KANSL1: variants seen among roughly 807,000 people sequenced by gnomAD.
The protein encoded by KANSL1 is KAT8 regulatory NSL complex subunit 1, also known as MLL1/MLL complex subunit KANSL1.
In KANSL1, 22 loss-of-function variants were observed where a neutral mutation model predicts 103.6. That is an observed-to-expected ratio of 0.21 (90% CI 0.15 to 0.30). KANSL1 has a LOEUF of 0.30. Ranked by LOEUF, KANSL1 falls within the 10% of genes least tolerant of loss-of-function variation. The pLI, the probability that KANSL1 is intolerant of heterozygous loss-of-function variation, is 1.00. For synonymous variants in KANSL1, 600 were observed against 527.6 expected, an observed-to-expected ratio of 1.14 and a Z score of -1.88; for missense variants, 1,337 against 1,399.8, an observed-to-expected ratio of 0.96 and a Z score of 0.72.
chr17:46,122,291 G>T (rs1369976594), intron 2 of KANSL1, among the ~76,000 whole-genome samples: 9 of 152,298 alleles, frequency 5.9e-5, no homozygotes, highest in African/African-American at 2.2e-4. Context: ...CTGCCTTCGG[G>T]ATGTCCCCAT....
At chr17:46,104,815 T>C (rs77924366) in intron 2 of KANSL1, among the ~76,000 whole-genome samples, 21,651 of 151,940 alleles carry the variant, frequency 0.14, 2,122 homozygotes, top group Non-Finnish European at 0.22. Context: ...ACTTACTGTG[T>C]CTTTTTTCTT....
chr17:46,208,303 C>G (rs906859332), intron 1 of KANSL1, among the ~76,000 whole-genome samples: 1 of 151,922 alleles, frequency 6.6e-6, no homozygotes, highest in Non-Finnish European at 1.5e-5. Context: ...CTTTTGTTCC[C>G]CAAAAGAGAT....
At chr17:46,121,852 C>G (rs2043294988) in intron 2 of KANSL1, among the ~76,000 whole-genome samples, 1 of 152,186 alleles carries the variant, frequency 6.6e-6, no homozygotes, top group South Asian at 2.1e-4. Flanking sequence ...ATTTAACGCA[C>G]CTAACCTACT....
intron 4 of KANSL1, among the ~76,000 whole-genome samples, chr17:46,070,233 G>C (rs55929190): frequency 0.14 from 21,783 of 152,104 alleles, 2,125 homozygotes; most frequent in Non-Finnish European, 0.22. Context: ...ATAGTTATCA[G>C]TTGTGGTACA....
intron 1 of KANSL1, among the ~76,000 whole-genome samples, chr17:46,175,312 G>C (rs1435682636): frequency 5.7e-3 from 16 of 2,804 alleles, no homozygotes; most frequent in South Asian, 0.014. Flanking sequence ...TCTTATTGCT[G>C]TGTGTGTGTG....
intron 2 of KANSL1, among the ~76,000 whole-genome samples, chr17:46,148,881 T>C (rs1282565899): frequency 1.4e-5 from 2 of 147,354 alleles, no homozygotes; most frequent in Admixed American, 6.8e-5. Flanking sequence ...CCACCGTACC[T>C]GGCCTGTTGC....
chr17:46,075,110 G>A (rs1159114401), intron 4 of KANSL1, among the ~76,000 whole-genome samples: 1 of 152,156 alleles, frequency 6.6e-6, no homozygotes, highest in Non-Finnish European at 1.5e-5. Flanking sequence ...AGGACATTTA[G>A]AGATGCAAAA....
intron 2 of KANSL1, among the ~76,000 whole-genome samples, chr17:46,122,487 G>A (rs1030648200): frequency 3.3e-5 from 5 of 152,168 alleles, no homozygotes; most frequent in African/African-American, 7.2e-5. Flanking sequence ...AAAGTACCAC[G>A]AGATTAACTG....
intron 1 of KANSL1, among the ~76,000 whole-genome samples, chr17:46,186,916 G>A (rs2047062754): frequency 6.6e-6 from 1 of 151,142 alleles, no homozygotes; most frequent in Admixed American, 6.6e-5. Flanking sequence ...TTTTTTTTTA[G>A]TAGAGACAGG....
At chr17:46,164,965 G>A (rs186499298) in intron 2 of KANSL1, among the ~76,000 whole-genome samples, 9 of 152,270 alleles carry the variant, frequency 5.9e-5, no homozygotes, top group South Asian at 2.1e-4. Flanking sequence ...AATGATAGCC[G>A]GGTGTTTGGT....
chr17:46,147,130 G>A (rs2044752275), intron 2 of KANSL1, among the ~76,000 whole-genome samples: 1 of 152,212 alleles, frequency 6.6e-6, no homozygotes, highest in Admixed American at 6.5e-5. Flanking sequence ...AAATCAGAAT[G>A]ACCTTGAAAA....
intron 2 of KANSL1, among the ~76,000 whole-genome samples, chr17:46,161,480 G>A (rs866180140): frequency 6.6e-6 from 1 of 151,864 alleles, no homozygotes; most frequent in Non-Finnish European, 1.5e-5. Context: ...AATCAGTTCG[G>A]TCAAAATCCT....
intron 1 of KANSL1, among the ~76,000 whole-genome samples, chr17:46,180,792 G>A (rs1417129017): frequency 6.6e-6 from 1 of 152,168 alleles, no homozygotes; most frequent in Non-Finnish European, 1.5e-5. Context: ...TTGAGGCCAG[G>A]AGTTTGAGAC....
intron 2 of KANSL1, among the ~76,000 whole-genome samples, chr17:46,135,879 G>A (rs2044115383): frequency 6.6e-6 from 1 of 151,906 alleles, no homozygotes; most frequent in Non-Finnish European, 1.5e-5. Flanking sequence ...TTGCCAAAGA[G>A]CATGTAGAGC....
chr17:46,076,629 T>C (rs2078783594), intron 4 of KANSL1, among the ~76,000 whole-genome samples: 1 of 127,108 alleles, frequency 7.9e-6, no homozygotes, highest in Non-Finnish European at 1.9e-5. Flanking sequence ...GATTTTTCAC[T>C]GGGTTTGCAT....
rs746012943 is a variant in KANSL1 at position 46,031,461 on chromosome 17, A to G, written c.*15T>C. ...GCCAATAGTTAGTGAGTCTGTTTAG[A>G]TGGCTGTCTCCCGCTCATCTGTGAG... On this transcript the variant is annotated 3_prime_UTR_variant, in exon 15 of 15. Transcript: ENST00000432791. The G allele has an allele frequency of 6.3e-7, 1 of 1,583,034 alleles. No homozygotes were observed. Among genetic ancestry groups the G allele is most frequent in the East Asian group, 2.3e-5 (1 of 44,128 alleles).
Position 46,171,256 on chromosome 17 carries a change from G to A in KANSL1, c.888C>T (p.Ser296=). Residue 296 remains serine, a synonymous_variant, in exon 2 of 15, where the codon AGC becomes AGT. Coordinates refer to ENST00000432791, the MANE Select transcript of KANSL1 (RefSeq NM_015443.4). ...ALLRRQADIE[S]RARRLQKRLQ... is the part of the protein sequence containing the mutation. ...AGCGCTTTTGTAATCTGCGGGCACG[G>A]CTCTCAATGTCAGCCTGTCGCCGCA... 1 of 1,614,124 alleles carries A rather than the reference G, an allele frequency of 6.2e-7. No individual in the cohort carries two copies. The highest frequency in any genetic ancestry group is 8.5e-7 in the Non-Finnish European group (1 of 1,180,042).
At chr17:46,059,074 A>G (rs565619500) in intron 6 of KANSL1, among the ~76,000 whole-genome samples, 3 of 151,890 alleles carry the variant, frequency 2.0e-5, no homozygotes, top group East Asian at 1.9e-4. Context: ...AAGAAAGAAA[A>G]AAAAAAGAGC....
intron 10 of KANSL1, chr17:46,035,581 T>G (rs2077123804): frequency 6.6e-6 from 1 of 152,186 alleles, no homozygotes; most frequent in South Asian, 2.1e-4. Context: ...TTAAACAGAC[T>G]TTTGGGGATC....
Sources: allele counts gnomAD v4.1 joint callset (sites outside exome capture counted in the v4.1 genomes callset), GRCh38; gene constraint gnomAD v4.1.1; transcripts MANE v1.5; gene names NCBI Gene and HGNC (gene_info 2026-07-23, HGNC 2026-07-21).